MDN1: variants seen among roughly 807,000 people sequenced by gnomAD.
MDN1 encodes the protein midasin AAA ATPase 1.
In MDN1, 266 loss-of-function variants were observed where a neutral mutation model predicts 669.2. The observed-to-expected ratio is 0.40, with a 90% CI of 0.36 to 0.44. The LOEUF (loss-of-function observed/expected upper bound fraction) is 0.44, where lower values mean the gene tolerates loss of function less well. Ranked by LOEUF, MDN1 falls within the 20% of genes least tolerant of loss-of-function variation. The probability of loss-of-function intolerance (pLI) is 1.00; values close to 1 mark genes in which losing one functional copy is unlikely to be tolerated. For missense variants in MDN1, 5,940 were observed against 6,754.0 expected (o/e 0.88, Z 4.22); for synonymous variants, 2,385 against 2,457.1 (o/e 0.97, Z 0.87).
intron 2 of MDN1, among the ~76,000 whole-genome samples, chr6:89,796,338 A>AAAAAAAC (rs1819604117): frequency 7.5e-6 from 1 of 134,084 alleles, no homozygotes; most frequent in Non-Finnish European, 1.6e-5. Flanking sequence ...AAAAAAAAAA[A>AAAAAAAC]AAAAAAAAAA....
At position 89,750,106 on chromosome 6, in the gene MDN1, G is replaced by A. The variant is rs73756414; in HGVS notation, c.3406+248C>T. Among the ~76,000 whole-genome samples, 931 of 152,212 alleles carry A rather than the reference G, an allele frequency of 6.1e-3. 7 individuals carry two copies. Among genetic ancestry groups the A allele is most frequent in the African/African-American group, 0.021 (886 of 41,522 alleles). On this transcript the variant is annotated intron_variant, in intron 24 of 101. Coordinates refer to ENST00000369393, the MANE Select transcript of MDN1 (RefSeq NM_014611.3). ...ATTCTCTGAATTCCTAGAAAATAAA[G>A]CAGCAGTTCAATTCCCCTCTTGAAA...
intron 82 of MDN1, 54 bp downstream of exon 82, chr6:89,672,146 C>A: frequency 6.7e-7 from 1 of 1,499,026 alleles, no homozygotes; most frequent in Non-Finnish European, 8.8e-7. Flanking sequence ...GCCCACTCTG[C>A]CTTTGCTCAG....
Position 89,692,605 on chromosome 6 carries a change from G to T in MDN1, c.10425C>A (p.Ile3475=). 6.2e-7 allele frequency: 1 copy of T among 1,614,236 alleles called. No homozygotes were observed. Among genetic ancestry groups the T allele is most frequent in the South Asian group, 1.1e-5 (1 of 91,088 alleles). ...EEVLRGLGKL[I]LKRSGGKELE... is the part of the protein sequence containing the mutation. Reference sequence around the variant, plus strand: ...GCTCCTTTCCTCCTGAGCGCTTGAGGATTAGCTTCCCAAGGCCTCGTAGAA... The same window carrying T: ...GCTCCTTTCCTCCTGAGCGCTTGAGTATTAGCTTCCCAAGGCCTCGTAGAA... The change falls in exon 63 of 102, where the codon ATC becomes ATA. Residue 3475 remains isoleucine (I), a synonymous_variant. Transcript: ENST00000369393.
chr6:89,784,984 G>T, intron 9 of MDN1, 28 bp downstream of exon 9: 9 of 1,448,608 alleles, frequency 6.2e-6, no homozygotes, highest in Non-Finnish European at 7.8e-6. Context: ...CACCTGGCCA[G>T]CATTGATACT....
At chr6:89,699,522 T>G (rs1812994286) in intron 58 of MDN1, 79 bp downstream of exon 58, 1 of 1,465,810 alleles carries the variant, frequency 6.8e-7, no homozygotes, top group Non-Finnish European at 9.1e-7. Context: ...ATAAATAAAA[T>G]GTTTCCCAAC....
chr6:89,725,474 G>T, intron 37 of MDN1, 78 bp from the exon 38 acceptor site: 1 of 1,169,996 alleles, frequency 8.5e-7, no homozygotes, highest in Non-Finnish European at 1.3e-6. Flanking sequence ...ATAATATGCA[G>T]CAAATAAAGC....
chr6:89,817,188 A>G (rs1768897539), intron 1 of MDN1, among the ~76,000 whole-genome samples: 2 of 152,162 alleles, frequency 1.3e-5, no homozygotes, highest in South Asian at 2.1e-4. Context: ...AATGTATAAA[A>G]CCAAGCTGTA....
intron 15 of MDN1, among the ~76,000 whole-genome samples, chr6:89,766,226 G>A (rs1198367343): frequency 1.3e-5 from 2 of 152,016 alleles, no homozygotes; most frequent in Non-Finnish European, 2.9e-5. Flanking sequence ...TTGGGCCCGG[G>A]AGGCAGAGGT....
chr6:89,662,784 T>G lies in MDN1; in HGVS notation c.14412+8A>C, dbSNP rs746394326. On this transcript the variant is annotated splice_region_variant and intron_variant, in intron 86 of 101. Transcript: ENST00000369393. ...GCTTGTTTGGGAGGGGAGAAATCTTTGAATTACCTCATCCATTCCTGGTCC... is the reference window on the plus strand; with the variant it reads ...GCTTGTTTGGGAGGGGAGAAATCTTGGAATTACCTCATCCATTCCTGGTCC... The G allele has an allele frequency of 1.7e-5, 27 of 1,613,720 alleles. No individual in the cohort carries two copies. Among genetic ancestry groups the G allele is most frequent in the Non-Finnish European group, 2.2e-5 (26 of 1,179,824 alleles).
At chr6:89,681,735 AAAATAG>A (rs1811625887) in intron 73 of MDN1, among the ~76,000 whole-genome samples, 1 of 152,242 alleles carries the variant, frequency 6.6e-6, no homozygotes, top group Non-Finnish European at 1.5e-5. Flanking sequence ...TAAAATAACA[AAAATAG>A]CTTAAGGACT....
At chr6:89,809,053 C>A (rs1375705856) in intron 1 of MDN1, among the ~76,000 whole-genome samples, 1 of 151,350 alleles carries the variant, frequency 6.6e-6, no homozygotes, top group Non-Finnish European at 1.5e-5. Context: ...CCCATCTCTA[C>A]TAAAAATACA....
At chr6:89,725,460 G>T in intron 37 of MDN1, 64 bp from the exon 38 acceptor site, 1 of 1,337,252 alleles carries the variant, frequency 7.5e-7, no homozygotes, top group Non-Finnish European at 1.1e-6. Context: ...CAAAAAGCAG[G>T]GGAATAATAT....
At chr6:89,670,886 C>A in intron 83 of MDN1, 33 bp downstream of exon 83, 2 of 1,593,530 alleles carry the variant, frequency 1.3e-6, no homozygotes, top group East Asian at 2.2e-5. Flanking sequence ...TGGGTCCCTG[C>A]TGCTCACAGT....
In MDN1 at chr6:89,658,658, A is replaced by T; in HGVS notation, c.14973T>A (p.Asp4991Glu). 1.2e-6 allele frequency: 2 copies of T among 1,613,278 alleles called. No homozygotes were observed. The highest frequency in any genetic ancestry group is 2.2e-5 in the South Asian group (2 of 91,074). Residue 4991 changes from aspartate to glutamate, a missense_variant, in exon 89 of 102, where the codon GAT becomes GAA. Coordinates refer to ENST00000369393, the MANE Select transcript of MDN1 (RefSeq NM_014611.3). ...QSVEEKDKEA[D>E]EEGGENGPAD... ...CAGGGCCATTCTCTCCACCTTCTTC[A>T]TCGGCTTCCTTGTCTTTTTCCTCCA... is the stretch of plus-strand genomic sequence containing the variant.
chr6:89,752,929 C>A (rs1312785949), intron 22 of MDN1, among the ~76,000 whole-genome samples: 1 of 152,060 alleles, frequency 6.6e-6, no homozygotes, highest in Non-Finnish European at 1.5e-5. Context: ...TCGAGACCAG[C>A]CTGGCCAACA....
rs1816747469 is a variant in MDN1, at chr6:89,747,924, T to A, written c.3763-454A>T. On this transcript the variant is annotated intron_variant, in intron 26 of 101. Coordinates refer to ENST00000369393, the MANE Select transcript of MDN1 (RefSeq NM_014611.3). ...AAAAAAAAAAAAAAGATTAATTTTT[T>A]AATGAAAATAACTTGTAATATTCTG... 2.7e-5 allele frequency among the ~76,000 whole-genome samples: 4 copies of A among 150,638 alleles called. No individual in the cohort carries two copies. In the South Asian group the frequency reaches 8.4e-4, roughly 32 times the overall value.
At chr6:89,677,511 G>C in intron 76 of MDN1, 59 bp downstream of exon 76, 1 of 1,602,306 alleles carries the variant, frequency 6.2e-7, no homozygotes, top group Non-Finnish European at 8.5e-7. Context: ...AGGACAAGGA[G>C]TTCTAAATTA....
At chr6:89,654,045 A>T in intron 93 of MDN1, 119 bp downstream of exon 93, 1 of 1,160,368 alleles carries the variant, frequency 8.6e-7, no homozygotes, top group Non-Finnish European at 1.2e-6. Flanking sequence ...TAGGCAATTC[A>T]TTCATCTAAG....
chr6:89,758,268 C>T lies in MDN1; in HGVS notation c.2689G>A (p.Gly897Arg). The T allele has an allele frequency of 6.2e-7, 1 of 1,609,860 alleles. No homozygotes were observed. The highest frequency in any genetic ancestry group is 8.5e-7 in the Non-Finnish European group (1 of 1,177,606). The change falls in exon 19 of 102, where the codon GGA becomes AGA. Residue 897 changes from glycine to arginine, a missense_variant. Coordinates refer to ENST00000369393, the MANE Select transcript of MDN1 (RefSeq NM_014611.3). ...CCAAACCCTCACCTGTTTCTTATTCCTGGTGGGAGATTTCTTTTGCCTACA... is the reference window on the plus strand; with the variant it reads ...CCAAACCCTCACCTGTTTCTTATTCTTGGTGGGAGATTTCTTTTGCCTACA... ...TDVGKRNLPP[G>R]IRNRFTELYV...
Sources: gnomAD v4.1 joint callset for allele counts (sites outside exome capture counted in the v4.1 genomes callset) on GRCh38, gnomAD v4.1.1 for gene constraint, MANE v1.5 for transcripts, NCBI Gene and HGNC (gene_info 2026-07-23, HGNC 2026-07-21) for gene names.